GLYCTK: variants seen among roughly 807,000 people sequenced by gnomAD.
The protein encoded by GLYCTK is HBeAg binding protein 4.
In GLYCTK, 22 loss-of-function variants were observed where a neutral mutation model predicts 24.8. The observed-to-expected ratio is 0.89, with a 90% confidence interval of 0.63 to 1.27. The LOEUF (loss-of-function observed/expected upper bound fraction) is 1.27, where lower values mean the gene tolerates loss of function less well. GLYCTK is among the 50% of genes most tolerant of loss of function. GLYCTK has a pLI of 0.00. For missense variants in GLYCTK, 684 were observed against 686.7 expected (o/e 1.00, Z 0.04); for synonymous variants, 320 against 297.2 (o/e 1.08, Z -0.79).
At position 52,291,073 on chromosome 3, in the gene GLYCTK, G is replaced by A. The variant is rs151194709; in HGVS notation, c.491G>A (p.Gly164Glu). The change falls in exon 3 of 5, where the codon GGA (glycine) becomes GAA (glutamate). Residue 164 changes from glycine to glutamate, a missense_variant. Transcript: ENST00000436784. Reference sequence around the variant, plus strand: ...CTGGCCATCCAGCAACTGGCTGAGGGACTCACAGCTGATGACCTGCTGCTC... The same window carrying A: ...CTGGCCATCCAGCAACTGGCTGAGGAACTCACAGCTGATGACCTGCTGCTC... ...AALAIQQLAE[G>E]LTADDLLLVL... The A allele has an allele frequency of 2.5e-6, 4 of 1,612,854 alleles. No homozygotes were observed. Among genetic ancestry groups the A allele is most frequent in the Middle Eastern group, 1.6e-4 (1 of 6,084 alleles).
At position 52,287,877 on chromosome 3, in the gene GLYCTK, G is replaced by C. The variant is rs747875072; in HGVS notation, c.-40+1G>C. ...GCACCGCGGCCGGAGCTGTGGGCTG[G>C]TAAGTCTGCGCCGCCAGGGCTCGCA... is the stretch of plus-strand genomic sequence containing the variant. On this transcript the variant is annotated splice_donor_variant, in intron 1 of 4. Coordinates refer to ENST00000436784, the MANE Select transcript of GLYCTK (RefSeq NM_145262.4). LOFTEE classifies it low-confidence loss of function (5UTR_SPLICE). 5 of 450,730 alleles carry C rather than the reference G, an allele frequency of 1.1e-5. No homozygotes were observed. Among genetic ancestry groups the C allele is most frequent in the Middle Eastern group, 6.9e-4 (1 of 1,450 alleles). The allele number at this position is 450,730 out of a possible 1,614,324, so 27.9% of individuals were successfully genotyped here.
rs1390221058 is a variant in GLYCTK at position 52,293,119 on chromosome 3, C to T, written c.1565C>T (p.Pro522Leu). 6.2e-7 allele frequency: 1 copy of T among 1,613,728 alleles called. No individual in the cohort carries two copies. The highest frequency in any genetic ancestry group is 8.5e-7 in the Non-Finnish European group (1 of 1,180,030). ...VMDTHLLFLR[P>L]R ...GACACCCACCTCTTGTTCCTGCGGC[C>T]TCGGTGATGGCATAGGTCACATTTT... The change falls in exon 5 of 5, where the codon CCT becomes CTT. Residue 522 changes from proline to leucine, a missense_variant. Transcript: ENST00000436784.
At position 52,293,295 on chromosome 3, in the gene GLYCTK, A is replaced by T; in HGVS notation, c.*169A>T. ...CACTCAGGGCCTCTGCTCTATATCT[A>T]TTCCCTTCCAGCCAGACTGGCAGAT... On this transcript the variant is annotated 3_prime_UTR_variant, in exon 5 of 5. Coordinates refer to ENST00000436784, the MANE Select transcript of GLYCTK (RefSeq NM_145262.4). 1.3e-6 allele frequency: 1 copy of T among 748,660 alleles called. No individual in the cohort carries two copies. Among genetic ancestry groups the T allele is most frequent in the Non-Finnish European group, 2.3e-6 (1 of 428,172 alleles). The allele number at this position is 748,660 out of a possible 1,614,324, so 46.4% of individuals were successfully genotyped here.
At position 52,290,571 on chromosome 3, in the gene GLYCTK, C is replaced by T. The variant is rs148898909; in HGVS notation, c.229C>T (p.Leu77=). ...GAAGGTGCGGGACCGGAACTTTCAG[C>T]TGAGGCAAAACCTCTACCTGGTGGG... ...QLKVRDRNFQ[L]RQNLYLVGFG... is the part of the protein sequence containing the mutation. The change falls in exon 2 of 5, where the codon CTG becomes TTG. Residue 77 remains leucine (L), a synonymous_variant. Coordinates refer to ENST00000436784, the MANE Select transcript of GLYCTK (RefSeq NM_145262.4). The T allele has an allele frequency of 9.9e-6, 16 of 1,613,842 alleles. No individual in the cohort carries two copies. In the African/African-American group the frequency reaches 1.7e-4, roughly 17 times the overall value.
In GLYCTK at chr3:52,294,065, C is replaced by T. The variant is rs1306056124; in HGVS notation, c.*939C>T. Reference sequence around the variant, plus strand: ...GCCAGTGATGAGGTCCAGTGACCCACACCTCTTCCTGTGACCACTGGCGGG... The same window carrying T: ...GCCAGTGATGAGGTCCAGTGACCCATACCTCTTCCTGTGACCACTGGCGGG... On this transcript the variant is annotated 3_prime_UTR_variant, in exon 5 of 5. Coordinates refer to ENST00000436784, the MANE Select transcript of GLYCTK (RefSeq NM_145262.4). 2.1e-6 allele frequency: 1 copy of T among 482,664 alleles called. No individual in the cohort carries two copies. The highest frequency in any genetic ancestry group is 4.2e-6 in the Non-Finnish European group (1 of 237,734). The allele number at this position is 482,664 out of a possible 1,614,324, so 29.9% of individuals were successfully genotyped here. A position where few individuals can be genotyped will look rare whatever the true frequency, so the allele number is the denominator to read the frequency against.
Position 52,293,111 on chromosome 3 carries a change from C to T in GLYCTK, c.1557C>T (p.Phe519=). The change falls in exon 5 of 5, where the codon TTC becomes TTT. Residue 519 remains phenylalanine (F), a synonymous_variant. Transcript: ENST00000436784. ...GTNVMDTHLL[F]LRPR is the part of the protein sequence containing the mutation. ...ATGTCATGGACACCCACCTCTTGTT[C>T]CTGCGGCCTCGGTGATGGCATAGGT... 6.2e-7 allele frequency: 1 copy of T among 1,613,870 alleles called. No homozygotes were observed. Among genetic ancestry groups the T allele is most frequent in the Non-Finnish European group, 8.5e-7 (1 of 1,180,038 alleles).
chr3:52,291,667 A>C, intron 3 of GLYCTK, 80 bp from the exon 4 acceptor site: 2 of 1,368,694 alleles, frequency 1.5e-6, no homozygotes, highest in Admixed American at 3.4e-5. Context: ...CCTTTTTCTA[A>C]TGTGGGCTTG....
chr3:52,292,605 C>G lies in GLYCTK; in HGVS notation c.1051C>G (p.Leu351Val), dbSNP rs766346099. The change falls in exon 5 of 5, where the codon CTG becomes GTG. Residue 351 changes from leucine (L) to valine (V), a missense_variant. By Grantham distance (32) the Leu-to-Val change is conservative. Coordinates refer to ENST00000436784, the MANE Select transcript of GLYCTK (RefSeq NM_145262.4). ...AAGTATGGCCCAGTTCTACGGGCTG[C>G]TGGCCCATGTGGCTAGAACCCGCCT... Reference protein sequence around the residue: ...VKSMAQFYGLLAHVARTRLTP... With the variant: ...VKSMAQFYGLVAHVARTRLTP... 6.2e-7 allele frequency: 1 copy of G among 1,613,418 alleles called. No homozygotes were observed. Among genetic ancestry groups the G allele is most frequent in the South Asian group, 1.1e-5 (1 of 91,042 alleles).
chr3:52,288,626 G>A (rs987523741), intron 1 of GLYCTK: 6 of 152,170 alleles, frequency 3.9e-5, no homozygotes, highest in African/African-American at 1.4e-4. Context: ...AATTTAACCG[G>A]AAGTCCTGTA....
Position 52,293,102 on chromosome 3 carries a change from C to T in GLYCTK, c.1548C>T (p.His516=), listed in dbSNP as rs763434728. The part of the protein sequence containing the change: ...GMTGTNVMDT[H]LLFLRPR Reference sequence around the variant, plus strand: ...CAGGTACCAATGTCATGGACACCCACCTCTTGTTCCTGCGGCCTCGGTGAT... The same window carrying T: ...CAGGTACCAATGTCATGGACACCCATCTCTTGTTCCTGCGGCCTCGGTGAT... The change falls in exon 5 of 5, where the codon CAC becomes CAT. Residue 516 remains histidine, a synonymous_variant. Transcript: ENST00000436784. The T allele has an allele frequency of 3.7e-6, 6 of 1,613,982 alleles. No individual in the cohort carries two copies. Among genetic ancestry groups the T allele is most frequent in the Middle Eastern group, 1.6e-4 (1 of 6,062 alleles).
Position 52,290,967 on chromosome 3 carries a change from C to T in GLYCTK, c.385C>T (p.Leu129=). 1.2e-6 allele frequency: 2 copies of T among 1,614,072 alleles called. No homozygotes were observed. Among genetic ancestry groups the T allele is most frequent in the Non-Finnish European group, 8.5e-7 (1 of 1,180,024 alleles). Residue 129 remains leucine (L), a synonymous_variant, in exon 3 of 5, where the codon CTG becomes TTG. Transcript: ENST00000436784. ...AMERAGKQEM[L]LKPHSRVQVF... The stretch of plus-strand genomic sequence containing the variant: ...TGACCTTTCCCTCCCCAGGGAGATG[C>T]TGCTGAAGCCACATAGCCGTGTCCA...
At position 52,291,058 on chromosome 3, in the gene GLYCTK, A is replaced by T; in HGVS notation, c.476A>T (p.Gln159Leu). 2 of 1,613,538 alleles carry T rather than the reference A, an allele frequency of 1.2e-6. No individual in the cohort carries two copies. The highest frequency in any genetic ancestry group is 1.1e-5 in the South Asian group (1 of 91,092). Residue 159 changes from glutamine to leucine, a missense_variant, in exon 3 of 5, where the codon CAG (glutamine) becomes CTG (leucine). Transcript: ENST00000436784. ...RDALRAALAI[Q>L]QLAEGLTADD... is the part of the protein sequence containing the mutation. The stretch of plus-strand genomic sequence containing the variant: ...GCGCTGCGGGCTGCACTGGCCATCC[A>T]GCAACTGGCTGAGGGACTCACAGCT...
At position 52,291,731 on chromosome 3, in the gene GLYCTK, C is replaced by G. The variant is rs1254019381; in HGVS notation, c.530-16C>G. 6.2e-7 allele frequency: 1 copy of G among 1,613,148 alleles called. No individual in the cohort carries two copies. Among genetic ancestry groups the G allele is most frequent in the East Asian group, 2.2e-5 (1 of 44,870 alleles). On this transcript the variant is annotated splice_polypyrimidine_tract_variant and intron_variant, in intron 3 of 4. Coordinates refer to ENST00000436784, the MANE Select transcript of GLYCTK (RefSeq NM_145262.4). ...TGGGATAGCCCCTCTACCTGATACC[C>G]TCATTGTCTTGAGAGGTGGGGGTTC... is the stretch of plus-strand genomic sequence containing the variant.
In GLYCTK at chr3:52,294,718, C is replaced by G. The variant is rs1254558404; in HGVS notation, c.*1592C>G. On this transcript the variant is annotated 3_prime_UTR_variant, in exon 5 of 5. Transcript: ENST00000436784. ...TGGCAGCGTCTACATGTAGCCTGTTCCTGCCTCAGTCCTTGCTCTTGGGAG... is the reference window on the plus strand; with the variant it reads ...TGGCAGCGTCTACATGTAGCCTGTTGCTGCCTCAGTCCTTGCTCTTGGGAG... The G allele has an allele frequency of 4.5e-6, 2 of 443,436 alleles. No individual in the cohort carries two copies. Among genetic ancestry groups the G allele is most frequent in the African/African-American group, 4.0e-5 (2 of 49,782 alleles). 27.5% of individuals were successfully genotyped at this position (443,436 alleles called of 1,614,324 possible).
In GLYCTK at chr3:52,294,295, G is replaced by A. The variant is rs1446307821; in HGVS notation, c.*1169G>A. The A allele has an allele frequency of 3.7e-6, 2 of 534,746 alleles. No homozygotes were observed. Among genetic ancestry groups the A allele is most frequent in the Non-Finnish European group, 7.7e-6 (2 of 260,098 alleles). The allele number at this position is 534,746 out of a possible 1,614,324, so 33.1% of individuals were successfully genotyped here. On this transcript the variant is annotated 3_prime_UTR_variant, in exon 5 of 5. Transcript: ENST00000436784. ...TCACATAGGAATAAAAAGCCATAGA[G>A]AACAGCGAGGCCTGGGGCTGCTCTT...
chr3:52,291,014 C>A lies in GLYCTK; in HGVS notation c.432C>A (p.Asp144Glu). The change falls in exon 3 of 5, where the codon GAC becomes GAA. Residue 144 changes from aspartate (D) to glutamate (E), a missense_variant. By Grantham distance (45) the Asp-to-Glu change is conservative. Coordinates refer to ENST00000436784, the MANE Select transcript of GLYCTK (RefSeq NM_145262.4). ...SRVQVFEGAEDNLPDRDALRA... is the reference protein window; with the variant it reads ...SRVQVFEGAEENLPDRDALRA... ...TCCAGGTATTCGAGGGTGCGGAGGA[C>A]AACCTCCCGGACCGCGATGCGCTGC... 1 of 1,614,004 alleles carries A rather than the reference C, an allele frequency of 6.2e-7. No homozygotes were observed. Among genetic ancestry groups the A allele is most frequent in the East Asian group, 2.2e-5 (1 of 44,884 alleles).
chr3:52,290,981 T>G lies in GLYCTK; in HGVS notation c.399T>G (p.His133Gln), dbSNP rs201234767. Residue 133 changes from histidine to glutamine, a missense_variant, in exon 3 of 5, where the codon CAT becomes CAG. Transcript: ENST00000436784. ...AGKQEMLLKP[H>Q]SRVQVFEGAE... ...CCAGGGAGATGCTGCTGAAGCCACA[T>G]AGCCGTGTCCAGGTATTCGAGGGTG... The G allele has an allele frequency of 6.2e-7, 1 of 1,614,094 alleles. No individual in the cohort carries two copies. The highest frequency in any genetic ancestry group is 8.5e-7 in the Non-Finnish European group (1 of 1,180,012).
rs1700433759 is a variant in GLYCTK, at chr3:52,290,619, A to G, written c.277A>G (p.Met93Val). Reference protein sequence around the residue: ...LVGFGKAVLGMAAAAEELLGQ... With the variant: ...LVGFGKAVLGVAAAAEELLGQ... ...GGGCTTTGGCAAGGCTGTGCTGGGT[A>G]TGGCAGCTGCAGCTGAGGAACTACT... is the stretch of plus-strand genomic sequence containing the variant. Residue 93 changes from methionine (M) to valine (V), a missense_variant, in exon 2 of 5, where the codon ATG becomes GTG. Transcript: ENST00000436784. 1.2e-6 allele frequency: 2 copies of G among 1,613,640 alleles called. No homozygotes were observed. Among genetic ancestry groups the G allele is most frequent in the Non-Finnish European group, 1.7e-6 (2 of 1,180,000 alleles).
chr3:52,295,020 A>G lies in GLYCTK; in HGVS notation c.*1894A>G, dbSNP rs1207415027. On this transcript the variant is annotated 3_prime_UTR_variant, in exon 5 of 5. Transcript: ENST00000436784. ...TTGCAGGAGGTTCCCCCTGCTCTAC[A>G]TTGACCCCTTCCCTATACTTCTGTT... 1 of 453,908 alleles carries G rather than the reference A, an allele frequency of 2.2e-6. No individual in the cohort carries two copies. Among genetic ancestry groups the G allele is most frequent in the Admixed American group, 2.3e-5 (1 of 42,564 alleles). The allele number at this position is 453,908 out of a possible 1,614,324, so 28.1% of individuals were successfully genotyped here.
Sources: gnomAD v4.1 joint callset for allele counts on GRCh38, gnomAD v4.1.1 for gene constraint, MANE v1.5 for transcripts, NCBI Gene and HGNC (gene_info 2026-07-23, HGNC 2026-07-21) for gene names.